GRID2: variants seen among roughly 807,000 people sequenced by gnomAD.
GRID2 encodes glutamate receptor ionotropic, delta-2.
GRID2 carries 33 observed loss-of-function variants against 114.8 expected under a neutral mutation model. The observed-to-expected ratio is 0.29, with a 90% confidence interval of 0.22 to 0.38. The LOEUF is 0.38. GRID2 is among the 10% of genes least tolerant of loss of function. GRID2 has a pLI of 1.00. For missense variants in GRID2, 1,184 were observed against 1,257.7 expected (o/e 0.94, Z 0.89); for synonymous variants, 505 against 449.9 (o/e 1.12, Z -1.55).
In GRID2 at chr4:92,676,160, C is replaced by A; in HGVS notation, c.244+85874C>A. Among the ~76,000 whole-genome samples, 2 of 71,996 alleles carry A rather than the reference C, an allele frequency of 2.8e-5. 1 individual carries two copies. 47.2% of individuals were successfully genotyped at this position (71,996 alleles called of 152,430 possible). Reference sequence around the variant, plus strand: ...TATGATGCATTGTCGTGTCAAGCCCCCCCCCCCCCCTTTTTTTTTTGTGGT... The same window carrying A: ...TATGATGCATTGTCGTGTCAAGCCCACCCCCCCCCCTTTTTTTTTTGTGGT... On this transcript the variant is annotated intron_variant, in intron 2 of 15. Transcript: ENST00000282020.
chr4:93,396,328 T>C (rs1765330226), intron 9 of GRID2, among the ~76,000 whole-genome samples: 1 of 152,006 alleles, frequency 6.6e-6, no homozygotes, highest in South Asian at 2.1e-4. Context: ...AGGATTACAG[T>C]AGTTTCCCTT....
intron 2 of GRID2, among the ~76,000 whole-genome samples, chr4:92,636,991 G>T (rs2149250350): frequency 6.6e-6 from 1 of 151,908 alleles, no homozygotes; most frequent in East Asian, 1.9e-4. Flanking sequence ...CCTCATCAAA[G>T]TAATCAGCCT....
intron 1 of GRID2, among the ~76,000 whole-genome samples, chr4:93,794,048 A>G (rs1012588665): frequency 2.0e-5 from 3 of 152,066 alleles, no homozygotes; most frequent in African/African-American, 7.2e-5. Flanking sequence ...AATATGATTT[A>G]CCTGATTACT....
intron 11 of GRID2, among the ~76,000 whole-genome samples, chr4:93,490,344 A>G (rs1454211967): frequency 6.6e-6 from 1 of 151,958 alleles, no homozygotes; most frequent in Non-Finnish European, 1.5e-5. Context: ...GAAAGAAAGC[A>G]TATACCTGTG....
chr4:92,460,032 C>CTGTATATATATATATATATATA (rs749790235), intron 1 of GRID2, among the ~76,000 whole-genome samples: 1 of 48,442 alleles, frequency 2.1e-5, no homozygotes, highest in African/African-American at 1.0e-4. Flanking sequence ...ATAAATCTCA[C>CTGTATATATATATATATATATA]TATATATATA....
rs189460612 is a variant in GRID2 at position 93,187,611 on chromosome 4, A to G, written c.736-19793A>G. On this transcript the variant is annotated intron_variant, in intron 4 of 15. Coordinates refer to ENST00000282020, the MANE Select transcript of GRID2 (RefSeq NM_001510.4). ...CTTAACTTGTTCCAGCATTAACTGA[A>G]AAGTCTGAAGTGCAGAATCTCATCT... 7.2e-5 allele frequency among the ~76,000 whole-genome samples: 11 copies of G among 152,292 alleles called. No homozygotes were observed. The East Asian group carries it at 2.1e-3, about 29-fold the overall frequency.
intron 14 of GRID2, among the ~76,000 whole-genome samples, chr4:93,633,245 TTATAAC>T (rs1721096905): frequency 6.6e-6 from 1 of 151,894 alleles, no homozygotes; most frequent in South Asian, 2.1e-4. Context: ...TAATTTAATA[TTATAAC>T]TATAAGAATT....
intron 2 of GRID2, among the ~76,000 whole-genome samples, chr4:92,779,186 A>ATG (rs70942930): frequency 0.14 from 21,203 of 146,984 alleles, 1,525 homozygotes; most frequent in Middle Eastern, 0.27. Flanking sequence ...TAGTAAGTAA[A>ATG]TGTGTGTGTG....
chr4:93,135,885 T>TA (rs759618646), intron 4 of GRID2, among the ~76,000 whole-genome samples: 1 of 152,212 alleles, frequency 6.6e-6, no homozygotes, highest in Non-Finnish European at 1.5e-5. Context: ...ACAAAATACT[T>TA]ATTATATGTG....
intron 2 of GRID2, among the ~76,000 whole-genome samples, chr4:92,867,161 T>G: frequency 6.6e-6 from 1 of 152,188 alleles, no homozygotes; most frequent in Non-Finnish European, 1.5e-5. Flanking sequence ...TAAAAATGGT[T>G]GTTAAATTTT....
intron 1 of GRID2, among the ~76,000 whole-genome samples, chr4:92,512,396 A>T (rs1158147906): frequency 6.6e-6 from 1 of 151,838 alleles, no homozygotes; most frequent in Non-Finnish European, 1.5e-5. Context: ...TTTTGGATAT[A>T]TACGATTATT....
At chr4:93,287,049 A>T (rs2149137632) in intron 8 of GRID2, among the ~76,000 whole-genome samples, 1 of 152,228 alleles carries the variant, frequency 6.6e-6, no homozygotes, top group African/African-American at 2.4e-5. Context: ...GTTATCCTTC[A>T]ATCATAGTAG....
rs544861768 is a variant in GRID2 at position 93,218,563 on chromosome 4, G to A, written c.963+1652G>A. Among the ~76,000 whole-genome samples the A allele has an allele frequency of 5.9e-5, 9 of 152,210 alleles. No individual in the cohort carries two copies. The South Asian group carries it at 6.2e-4, about 11-fold the overall frequency. On this transcript the variant is annotated intron_variant, in intron 6 of 15. Coordinates refer to ENST00000282020, the MANE Select transcript of GRID2 (RefSeq NM_001510.4). Reference sequence around the variant, plus strand: ...ACCCAGCATCATAAGTACTCATAACGTGCTTCTCTACCATTTCCTCCATCA... The same window carrying A: ...ACCCAGCATCATAAGTACTCATAACATGCTTCTCTACCATTTCCTCCATCA...
intron 13 of GRID2, among the ~76,000 whole-genome samples, chr4:93,600,945 A>T (rs184413651): frequency 3.3e-5 from 5 of 152,352 alleles, no homozygotes; most frequent in Non-Finnish European, 7.3e-5. Context: ...TATCATTTCT[A>T]TGAAGCTCAA....
At chr4:92,750,745 A>AT (rs1737412022) in intron 2 of GRID2, among the ~76,000 whole-genome samples, 1 of 152,212 alleles carries the variant, frequency 6.6e-6, no homozygotes, top group African/African-American at 2.4e-5. Context: ...CTATTAGTTG[A>AT]TTTTGAGTCT....
intron 8 of GRID2, among the ~76,000 whole-genome samples, chr4:93,354,300 A>G (rs1761098937): frequency 2.6e-5 from 4 of 152,032 alleles, no homozygotes; most frequent in Admixed American, 2.6e-4. Context: ...CTTATAATTT[A>G]AATTGCACTA....
chr4:92,475,926 A>T (rs1310111123), intron 1 of GRID2, among the ~76,000 whole-genome samples: 1 of 150,988 alleles, frequency 6.6e-6, no homozygotes, highest in Admixed American at 6.6e-5. Context: ...ACTTTATTTT[A>T]TTGTAGATAT....
intron 1 of GRID2, among the ~76,000 whole-genome samples, chr4:92,564,898 G>A (rs894330216): frequency 8.6e-5 from 13 of 151,964 alleles, no homozygotes; most frequent in African/African-American, 3.1e-4. Flanking sequence ...CGTCAGTGTA[G>A]TTTGTAGGTC....
At chr4:92,808,915 A>G (rs902606150) in intron 2 of GRID2, among the ~76,000 whole-genome samples, 5 of 151,932 alleles carry the variant, frequency 3.3e-5, no homozygotes, top group Admixed American at 6.6e-5. Flanking sequence ...TAAGACAGTC[A>G]CTCAAAGGAT....
Sources: gnomAD v4.1 joint callset for allele counts (sites outside exome capture counted in the v4.1 genomes callset) on GRCh38, gnomAD v4.1.1 for gene constraint, MANE v1.5 for transcripts, NCBI Gene and HGNC (gene_info 2026-07-23, HGNC 2026-07-21) for gene names.